The following TMC8 variants were observed in gnomAD, a reference collection of about 807,000 sequenced individuals.
The protein encoded by TMC8 is transmembrane channel-like protein 8.
A neutral mutation model predicts 76.0 loss-of-function variants in TMC8; 71 were observed. The ratio of observed to expected loss-of-function variants is 0.93; its 90% CI spans 0.77 to 1.14. The LOEUF (loss-of-function observed/expected upper bound fraction) is 1.14. Among genes scored for constraint, TMC8 ranks in the 50% most tolerant of loss-of-function variants. The pLI, the probability that TMC8 is intolerant of heterozygous loss-of-function variation, is 0.00. For synonymous variants in TMC8, 433 were observed against 433.8 expected (o/e 1.00, Z 0.02); for missense variants, 924 against 947.9 (o/e 0.97, Z 0.33).
chr17:78,135,142 G>A lies in TMC8; in HGVS notation c.1127+133G>A, dbSNP rs1598913407. The stretch of plus-strand genomic sequence containing the variant: ...CCCTTCACTAGTGGCCCAAGGGAAG[G>A]CAGGTACACACCTCACAGCACACGA... On this transcript the variant is annotated intron_variant, in intron 9 of 15. Transcript: ENST00000318430. 3.9e-5 allele frequency: 47 copies of A among 1,189,938 alleles called. No homozygotes were observed. The East Asian group carries it at 1.1e-3, about 28-fold the overall frequency. 73.7% of individuals were successfully genotyped at this position (1,189,938 alleles called of 1,614,324 possible).
chr17:78,132,274 C>G, intron 3 of TMC8, 85 bp from the exon 4 acceptor site: 1 of 1,534,008 alleles, frequency 6.5e-7, no homozygotes, highest in Non-Finnish European at 8.9e-7. Context: ...CACCCCACGC[C>G]GTCCGGTGGG....
At position 78,131,335 on chromosome 17, in the gene TMC8, G is replaced by T; in HGVS notation, c.-254G>T. 1 of 589,528 alleles carries T rather than the reference G, an allele frequency of 1.7e-6. No individual in the cohort carries two copies. Among genetic ancestry groups the T allele is most frequent in the Non-Finnish European group, 3.0e-6 (1 of 331,638 alleles). 36.5% of individuals were successfully genotyped at this position (589,528 alleles called of 1,614,324 possible). A position where few individuals can be genotyped will look rare whatever the true frequency, so the allele number is the denominator to read the frequency against. On this transcript the variant is annotated 5_prime_UTR_variant, in exon 2 of 16. Coordinates refer to ENST00000318430, the MANE Select transcript of TMC8 (RefSeq NM_152468.5). Reference sequence around the variant, plus strand: ...CCCTCTGAGAGTTGGAGCGGGGCTGGGCCCGAATTCGACCGCAGCAGGATT... The same window carrying T: ...CCCTCTGAGAGTTGGAGCGGGGCTGTGCCCGAATTCGACCGCAGCAGGATT...
Position 78,131,681 on chromosome 17 carries a change from C to T in TMC8, c.93C>T (p.Gly31=), listed in dbSNP as rs2074973893. The change falls in exon 2 of 16, where the codon GGC becomes GGT. Residue 31 remains glycine (G), a synonymous_variant. Transcript: ENST00000318430. ...AGGCAGAGATGGAGCGGCTGCGCGG[C>T]TCTGGGACGCCCGTGCGCGGGCTGC... is the stretch of plus-strand genomic sequence containing the variant. ...LWEAEMERLR[G]SGTPVRGLPY... is the part of the protein sequence containing the mutation. 1 of 1,575,162 alleles carries T rather than the reference C, an allele frequency of 6.3e-7. No individual in the cohort carries two copies. The highest frequency in any genetic ancestry group is 8.6e-7 in the Non-Finnish European group (1 of 1,162,072).
In TMC8 at chr17:78,138,133, C is replaced by T. The variant is rs372501838; in HGVS notation, c.1478C>T (p.Pro493Leu). 14 of 1,613,824 alleles carry T rather than the reference C, an allele frequency of 8.7e-6. No homozygotes were observed. In the African/African-American group the frequency reaches 1.5e-4, roughly 17 times the overall value. Residue 493 changes from proline (P) to leucine (L), a missense_variant, in exon 12 of 16, where the codon CCC becomes CTC. Pro to Leu is a moderately conservative substitution (Grantham distance 98). Transcript: ENST00000318430. Reference sequence around the variant, plus strand: ...ACCTGGATGGGCCTCTTCTACTGCCCCCTGCTGCCCCTGCTGAATAGCGTC... The same window carrying T: ...ACCTGGATGGGCCTCTTCTACTGCCTCCTGCTGCCCCTGCTGAATAGCGTC... ...TVTWMGLFYC[P>L]LLPLLNSVFL...
chr17:78,140,754 A>G (rs2075356090), intron 15 of TMC8, 80 bp from the exon 16 acceptor site: 1 of 1,541,372 alleles, frequency 6.5e-7, no homozygotes, highest in Admixed American at 2.0e-5. Context: ...CATGGGCCGC[A>G]GAGTTGCTGC....
rs527652113 is a variant in TMC8, at chr17:78,142,060, C to G, written c.*948C>G. ...GCCACAAGGGCAGGGCCCGGCCCCC[C>G]TCCCAAGGCTGTGTCTGATATTCTT... On this transcript the variant is annotated 3_prime_UTR_variant, in exon 16 of 16. Coordinates refer to ENST00000318430, the MANE Select transcript of TMC8 (RefSeq NM_152468.5). The G allele has an allele frequency of 6.5e-6, 1 of 152,774 alleles. No individual in the cohort carries two copies. Among genetic ancestry groups the G allele is most frequent in the African/African-American group, 2.4e-5 (1 of 41,486 alleles). The allele number at this position is 152,774 out of a possible 1,614,324, so 9.5% of individuals were successfully genotyped here.
intron 15 of TMC8, among the ~76,000 whole-genome samples, chr17:78,140,363 C>T (rs1187371862): frequency 1.3e-5 from 2 of 151,822 alleles, no homozygotes; most frequent in African/African-American, 4.8e-5. Context: ...GGCTTGGGGC[C>T]AGGGGCTTAA....
In TMC8 at chr17:78,133,308, T is replaced by A; in HGVS notation, c.532-98T>A. On this transcript the variant is annotated intron_variant, in intron 5 of 15. Transcript: ENST00000318430. The stretch of plus-strand genomic sequence containing the variant: ...GTAAGACGGGACACTCCCTACCTGA[T>A]GGGGGGATTGCACGGGGGCTAACAA... 12 of 1,582,670 alleles carry A rather than the reference T, an allele frequency of 7.6e-6. No individual in the cohort carries two copies. In the South Asian group the frequency reaches 1.3e-4, roughly 17 times the overall value.
At chr17:78,138,874 A>G in intron 14 of TMC8, 142 bp downstream of exon 14, 1 of 1,538,060 alleles carries the variant, frequency 6.5e-7, no homozygotes, top group Admixed American at 2.0e-5. Flanking sequence ...AAAAGCAGGA[A>G]CCTCCTGGGC....
chr17:78,133,788 C>A, intron 6 of TMC8, 65 bp from the exon 7 acceptor site: 3 of 1,609,122 alleles, frequency 1.9e-6, no homozygotes, highest in Non-Finnish European at 1.7e-6. Context: ...CAGAGCCGAG[C>A]CAAGGCTGAG....
chr17:78,137,994 C>T lies in TMC8; in HGVS notation c.1350-11C>T. 4 of 1,613,720 alleles carry T rather than the reference C, an allele frequency of 2.5e-6. No individual in the cohort carries two copies. The highest frequency in any genetic ancestry group is 3.4e-6 in the Non-Finnish European group (4 of 1,180,016). On this transcript the variant is annotated splice_polypyrimidine_tract_variant and intron_variant, in intron 11 of 15. Transcript: ENST00000318430. ...GGAGTGGTGAGTACCTGGACCCTCC[C>T]ATCCCTGCAGGCTGCTGGTGGACCG...
At chr17:78,136,771 A>G (rs770414761) in intron 9 of TMC8, 12 of 308,732 alleles carry the variant, frequency 3.9e-5, no homozygotes, top group Non-Finnish European at 7.0e-5. Flanking sequence ...ATCTAAAAAC[A>G]GAACCCTTGG....
chr17:78,138,254 C>CCTCCTG (rs1223391031), intron 12 of TMC8, 66 bp downstream of exon 12: 22 of 1,612,422 alleles, frequency 1.4e-5, no homozygotes, highest in Admixed American at 3.3e-5. Flanking sequence ...GCTGGGCTCG[C>CCTCCTG]CTCCTGCTCC....
chr17:78,133,771 C>G (rs2075120421), intron 6 of TMC8, 82 bp from the exon 7 acceptor site: 2 of 1,601,626 alleles, frequency 1.2e-6, no homozygotes, highest in South Asian at 2.2e-5. Context: ...AGGGGCCTTC[C>G]CAGACCCAGA....
Position 78,138,474 on chromosome 17 carries a change from C to T in TMC8, c.1659C>T (p.Val553=). 1 of 1,613,534 alleles carries T rather than the reference C, an allele frequency of 6.2e-7. No individual in the cohort carries two copies. The change falls in exon 13 of 16, where the codon GTC becomes GTT. Residue 553 remains valine (V), a synonymous_variant. Coordinates refer to ENST00000318430, the MANE Select transcript of TMC8 (RefSeq NM_152468.5). ...CTGCAGTGCCCCTGGGCTATGTGGT[C>T]AGCAGGTGAGGGGAAGAGGAGGGGG... The part of the protein sequence containing the change: ...LLAAVPLGYV[V]SSIHSSWDCG...
chr17:78,131,439 C>T lies in TMC8; in HGVS notation c.-150C>T. ...ACCCTAGGGCTGCAGGAGCCCAGGC[C>T]CCGACGCCGGCGCAGAGGGGACGGA... On this transcript the variant is annotated 5_prime_UTR_variant, in exon 2 of 16. Transcript: ENST00000318430. The T allele has an allele frequency of 8.8e-7, 1 of 1,142,708 alleles. No individual in the cohort carries two copies. Among genetic ancestry groups the T allele is most frequent in the Non-Finnish European group, 1.3e-6 (1 of 798,732 alleles). 70.8% of individuals were successfully genotyped at this position (1,142,708 alleles called of 1,614,324 possible).
chr17:78,141,160 C>A lies in TMC8; in HGVS notation c.*48C>A. The A allele has an allele frequency of 6.8e-7, 1 of 1,474,668 alleles. No homozygotes were observed. Among genetic ancestry groups the A allele is most frequent in the Non-Finnish European group, 9.0e-7 (1 of 1,116,270 alleles). The allele number at this position is 1,474,668 out of a possible 1,614,324, so 91.3% of individuals were successfully genotyped here. On this transcript the variant is annotated 3_prime_UTR_variant, in exon 16 of 16. Transcript: ENST00000318430. ...GCCTCCCTGGGGCCCCTTCAGGCCT[C>A]CTTACTCCATCTTCCAGACCCCTGG...
Position 78,141,144 on chromosome 17 carries a change from G to T in TMC8, c.*32G>T. 2 of 1,520,804 alleles carry T rather than the reference G, an allele frequency of 1.3e-6. No individual in the cohort carries two copies. Among genetic ancestry groups the T allele is most frequent in the Non-Finnish European group, 1.7e-6 (2 of 1,142,914 alleles). The allele number at this position is 1,520,804 out of a possible 1,614,324, so 94.2% of individuals were successfully genotyped here. ...CCCCTGCCTCCCCGAAGCCTCCCTGGGGCCCCTTCAGGCCTCCTTACTCCA... is the reference window on the plus strand; with the variant it reads ...CCCCTGCCTCCCCGAAGCCTCCCTGTGGCCCCTTCAGGCCTCCTTACTCCA... On this transcript the variant is annotated 3_prime_UTR_variant, in exon 16 of 16. Transcript: ENST00000318430.
At chr17:78,137,651 A>C in intron 10 of TMC8, 66 bp from the exon 11 acceptor site, 1 of 1,416,248 alleles carries the variant, frequency 7.1e-7, no homozygotes, top group Non-Finnish European at 1.0e-6. Context: ...CCCTCACAGG[A>C]GGCTAAGGGA....
Sources: gnomAD v4.1 joint callset for allele counts (sites outside exome capture counted in the v4.1 genomes callset) on GRCh38, gnomAD v4.1.1 for gene constraint, MANE v1.5 for transcripts, NCBI Gene and HGNC (gene_info 2026-07-23, HGNC 2026-07-21) for gene names.